The following ASIC2 variants were observed in gnomAD, a reference collection of about 807,000 sequenced individuals.
ASIC2 encodes acid sensing ion channel subunit 2.
Under a neutral mutation model 57.3 loss-of-function variants are expected in ASIC2, and 25 were observed. The observed-to-expected ratio is 0.44, with a 90% confidence interval of 0.32 to 0.61. ASIC2 has a LOEUF of 0.61. Among genes scored for constraint, ASIC2 ranks in the 20% least tolerant of loss-of-function variants. The pLI is 0.06. For synonymous variants in ASIC2, 319 were observed against 307.5 expected (o/e 1.04, Z -0.39); for missense variants, 641 against 738.1 (o/e 0.87, Z 1.52).
intron 1 of ASIC2, among the ~76,000 whole-genome samples, chr17:33,217,344 G>C (rs1335584232): frequency 6.6e-6 from 1 of 152,180 alleles, no homozygotes; most frequent in Admixed American, 6.5e-5. Context: ...CCCTCAAAAG[G>C]CAAAGAGAAT....
intron 1 of ASIC2, among the ~76,000 whole-genome samples, chr17:33,790,290 C>G (rs531852140): frequency 6.6e-6 from 1 of 151,916 alleles, no homozygotes; most frequent in Non-Finnish European, 1.5e-5. Context: ...TTTTTTTGAC[C>G]AACTATGCTA....
chr17:33,577,913 G>T (rs1470932562), intron 1 of ASIC2, among the ~76,000 whole-genome samples: 1 of 152,152 alleles, frequency 6.6e-6, no homozygotes, highest in Non-Finnish European at 1.5e-5. Context: ...CTTGAGGTGT[G>T]AGTTGAAAAT....
chr17:33,884,714 C>T (rs557638682), intron 1 of ASIC2, among the ~76,000 whole-genome samples: 75 of 151,938 alleles, frequency 4.9e-4, no homozygotes, highest in Admixed American at 1.2e-3. Flanking sequence ...ATACCCCCCA[C>T]CCCATCCCCA....
At chr17:33,603,711 ATTAG>A (rs1465983439) in intron 1 of ASIC2, among the ~76,000 whole-genome samples, 3 of 152,232 alleles carry the variant, frequency 2.0e-5, no homozygotes, top group Non-Finnish European at 4.4e-5. Context: ...TGAGTTACAT[ATTAG>A]TTAAAGTAGT....
chr17:33,408,982 G>A (rs922509791), intron 1 of ASIC2, among the ~76,000 whole-genome samples: 10 of 152,182 alleles, frequency 6.6e-5, no homozygotes, highest in African/African-American at 2.4e-4. Context: ...GGGGGGCTGA[G>A]GTGGGTGGAT....
At chr17:34,018,911 TTTG>T (rs1907057685) in intron 1 of ASIC2, among the ~76,000 whole-genome samples, 1 of 151,928 alleles carries the variant, frequency 6.6e-6, no homozygotes, top group African/African-American at 2.4e-5. Context: ...CTTCTTTTTG[TTTG>T]TTTTTTTTTT....
intron 1 of ASIC2, among the ~76,000 whole-genome samples, chr17:33,616,101 T>G (rs1426669405): frequency 4.6e-5 from 7 of 152,220 alleles, no homozygotes; most frequent in Non-Finnish European, 4.4e-5. Context: ...GGGTCTCTGT[T>G]ACGACCAGCT....
At chr17:33,907,356 C>A (rs1310697018) in intron 1 of ASIC2, among the ~76,000 whole-genome samples, 1 of 152,164 alleles carries the variant, frequency 6.6e-6, no homozygotes, top group Non-Finnish European at 1.5e-5. Context: ...AAGATTGGAC[C>A]CTGCAGCTAA....
chr17:33,590,638 A>G, intron 1 of ASIC2, among the ~76,000 whole-genome samples: 1 of 150,948 alleles, frequency 6.6e-6, no homozygotes. Context: ...ACTACACCCC[A>G]ATCTCTACAC....
At chr17:33,324,237 G>A (rs1381211790) in intron 1 of ASIC2, among the ~76,000 whole-genome samples, 1 of 152,040 alleles carries the variant, frequency 6.6e-6, no homozygotes, top group Non-Finnish European at 1.5e-5. Flanking sequence ...CATTAATTTG[G>A]CCTTTGCAGT....
chr17:33,369,123 A>G (rs1450422844), intron 1 of ASIC2, among the ~76,000 whole-genome samples: 1 of 152,166 alleles, frequency 6.6e-6, no homozygotes, highest in Non-Finnish European at 1.5e-5. Context: ...GAAAACTAAA[A>G]TATCAAAGGG....
intron 1 of ASIC2, among the ~76,000 whole-genome samples, chr17:33,198,506 C>T (rs918188773): frequency 6.6e-6 from 1 of 152,224 alleles, no homozygotes; most frequent in Admixed American, 6.5e-5. Flanking sequence ...AAATGCCCTG[C>T]AGACTTCTTG....
At chr17:33,064,427 C>G (rs557576957) in intron 3 of ASIC2, among the ~76,000 whole-genome samples, 35 of 152,314 alleles carry the variant, frequency 2.3e-4, no homozygotes, top group African/African-American at 8.2e-4. Context: ...GAGGTCCACT[C>G]CAGACCCTGT....
At chr17:33,727,144 A>C (rs1597851588) in intron 1 of ASIC2, among the ~76,000 whole-genome samples, 1 of 152,198 alleles carries the variant, frequency 6.6e-6, no homozygotes, top group East Asian at 1.9e-4. Flanking sequence ...ACTCAAAAAT[A>C]GGGGAAACTC....
At chr17:33,649,986 T>C (rs1597821464) in intron 1 of ASIC2, among the ~76,000 whole-genome samples, 2 of 152,234 alleles carry the variant, frequency 1.3e-5, no homozygotes, top group Non-Finnish European at 2.9e-5. Context: ...AATTGATAAA[T>C]TGAATTTCAT....
chr17:33,376,154 A>G (rs1909268992), intron 1 of ASIC2, among the ~76,000 whole-genome samples: 1 of 152,196 alleles, frequency 6.6e-6, no homozygotes, highest in Non-Finnish European at 1.5e-5. Flanking sequence ...GGGACACTCC[A>G]GTATTTAGAG....
chr17:33,578,798 CTAG>C (rs1916738426), intron 1 of ASIC2, among the ~76,000 whole-genome samples: 2 of 37,684 alleles, frequency 5.3e-5, no homozygotes, highest in African/African-American at 4.7e-4. Flanking sequence ...TAAGATTAGT[CTAG>C]TCACAGTTCA....
At chr17:33,422,525 AG>A (rs1469408100) in intron 1 of ASIC2, among the ~76,000 whole-genome samples, 2 of 152,178 alleles carry the variant, frequency 1.3e-5, no homozygotes, top group African/African-American at 4.8e-5. Context: ...TCGTAGAGTG[AG>A]GTAGTTGACA....
chr17:33,895,154 G>GT (rs955197553), intron 1 of ASIC2, among the ~76,000 whole-genome samples: 10 of 135,864 alleles, frequency 7.4e-5, no homozygotes, highest in African/African-American at 2.6e-4. Flanking sequence ...AAGCATTGAA[G>GT]TTTTTTTTGC....
Sources: gnomAD v4.1 joint callset for allele counts (sites outside exome capture counted in the v4.1 genomes callset) on GRCh38, gnomAD v4.1.1 for gene constraint, MANE v1.5 for transcripts, NCBI Gene and HGNC (gene_info 2026-07-23, HGNC 2026-07-21) for gene names.